The following KHDC1 variants were observed in gnomAD, a reference collection of about 807,000 sequenced individuals.
KHDC1 encodes the protein KH homology domain-containing protein 1.
Under a neutral mutation model 24.7 loss-of-function variants are expected in KHDC1, and 21 were observed. The observed-to-expected ratio is 0.85, with a 90% CI of 0.60 to 1.23. The LOEUF (loss-of-function observed/expected upper bound fraction) is 1.23. KHDC1 is among the 50% of genes most tolerant of loss of function. The pLI, the probability that KHDC1 is intolerant of heterozygous loss-of-function variation, is 0.00. For synonymous variants in KHDC1, 98 were observed against 111.7 expected, an observed-to-expected ratio of 0.88 and a Z score of 0.77; for missense variants, 274 against 298.5, an observed-to-expected ratio of 0.92 and a Z score of 0.61.
chr6:73,277,110 A>AAAT (rs1264154991), intron 2 of KHDC1, among the ~76,000 whole-genome samples: 2 of 152,290 alleles, frequency 1.3e-5, no homozygotes, highest in Non-Finnish European at 2.9e-5. Context: ...AGGCTCTATA[A>AAAT]ATTAAGTTTT....
At chr6:73,260,498 A>G (rs1343552482) in intron 2 of KHDC1, among the ~76,000 whole-genome samples, 1 of 152,370 alleles carries the variant, frequency 6.6e-6, no homozygotes, top group Non-Finnish European at 1.5e-5. Flanking sequence ...ATGCAAAAAA[A>G]GTTTCCAGTT....
chr6:73,309,194 C>T (rs1582595475), intron 1 of KHDC1, among the ~76,000 whole-genome samples: 1 of 152,358 alleles, frequency 6.6e-6, no homozygotes, highest in East Asian at 1.9e-4. Context: ...GATCAGCTCT[C>T]CTAGGGTATC....
At chr6:73,294,176 C>T (rs1019590402) in intron 1 of KHDC1, among the ~76,000 whole-genome samples, 1 of 152,112 alleles carries the variant, frequency 6.6e-6, no homozygotes. Context: ...ATTTATGGAT[C>T]TATTGTCTCT....
chr6:73,268,426 A>G (rs1291497893), intron 2 of KHDC1: 1 of 152,786 alleles, frequency 6.5e-6, no homozygotes, highest in East Asian at 1.9e-4. Context: ...CAAAGAACAA[A>G]GCTTCCACGG....
At chr6:73,271,892 C>G (rs1391567121) in intron 2 of KHDC1, among the ~76,000 whole-genome samples, 1 of 149,122 alleles carries the variant, frequency 6.7e-6, no homozygotes, top group Non-Finnish European at 1.5e-5. Context: ...GAGACTCCAT[C>G]TCAAAAAAAA....
chr6:73,253,011 A>C (rs1019553943), intron 2 of KHDC1, among the ~76,000 whole-genome samples: 1 of 152,192 alleles, frequency 6.6e-6, no homozygotes, highest in Non-Finnish European at 1.5e-5. Context: ...TAATTCCTAA[A>C]CTACAAGCTC....
At chr6:73,241,492 C>T in exon 5 of KHDC1, 2 of 1,596,570 alleles carry the variant, frequency 1.3e-6, no homozygotes, top group African/African-American at 2.7e-5. Flanking sequence ...AAGATTTCTC[C>T]TCTCATCCCC....
exon 4 of KHDC1, chr6:73,242,130 G>A: frequency 1.2e-6 from 2 of 1,614,154 alleles, no homozygotes; most frequent in Non-Finnish European, 1.7e-6. Context: ...GCCCTGTGTG[G>A]TCCGACTACA....
intron 2 of KHDC1, among the ~76,000 whole-genome samples, chr6:73,288,602 CA>C (rs545494451): frequency 1.4e-3 from 208 of 151,406 alleles, no homozygotes; most frequent in African/African-American, 5.0e-3. Flanking sequence ...GCCTGGGTGA[CA>C]GAGTAAGACT....
At chr6:73,275,366 A>G (rs183821440) in intron 2 of KHDC1, 162 of 164,168 alleles carry the variant, frequency 9.9e-4, no homozygotes, top group Non-Finnish European at 1.8e-3. Context: ...CAAAACAACA[A>G]AAAAACAAAA....
intron 2 of KHDC1, among the ~76,000 whole-genome samples, chr6:73,282,932 C>G: frequency 6.6e-6 from 1 of 152,184 alleles, no homozygotes; most frequent in Non-Finnish European, 1.5e-5. Flanking sequence ...GCCTGTTCTA[C>G]GTGAATTACT....
At chr6:73,296,466 A>T (rs1374912843) in intron 1 of KHDC1, among the ~76,000 whole-genome samples, 1 of 152,132 alleles carries the variant, frequency 6.6e-6, no homozygotes, top group African/African-American at 2.4e-5. Flanking sequence ...AAAATTAAAC[A>T]CACACATACA....
intron 1 of KHDC1, among the ~76,000 whole-genome samples, chr6:73,302,012 G>A (rs537796481): frequency 3.9e-5 from 6 of 152,246 alleles, no homozygotes; most frequent in African/African-American, 1.4e-4. Flanking sequence ...GGAATGGGCT[G>A]GGTGCAGTGG....
intron 2 of KHDC1, among the ~76,000 whole-genome samples, chr6:73,282,816 GAC>G (rs1403393061): frequency 6.6e-6 from 1 of 151,966 alleles, no homozygotes; most frequent in African/African-American, 2.4e-5. Context: ...ATCAACACTC[GAC>G]ACACTGTCCT....
intron 2 of KHDC1, among the ~76,000 whole-genome samples, chr6:73,254,474 ATAAAT>A (rs1766843358): frequency 1.1e-5 from 1 of 94,982 alleles, no homozygotes; most frequent in African/African-American, 5.6e-5. Context: ...ATAAAAATAA[ATAAAT>A]AAATAAATAA....
At chr6:73,294,053 G>A (rs1767715584) in intron 1 of KHDC1, among the ~76,000 whole-genome samples, 1 of 150,704 alleles carries the variant, frequency 6.6e-6, no homozygotes, top group African/African-American at 2.4e-5. Flanking sequence ...GGAAGCCAAG[G>A]CAGGATTGCT....
chr6:73,283,830 C>T (rs34602913), intron 2 of KHDC1, among the ~76,000 whole-genome samples: 12,039 of 151,964 alleles, frequency 0.079, 520 homozygotes, highest in East Asian at 0.13. Flanking sequence ...CCCGCCTCCG[C>T]CTCCCACAGT....
At chr6:73,241,801 C>T (rs775734336) in intron 4 of KHDC1, 73 bp from the exon 4 acceptor site, 49 of 1,522,368 alleles carry the variant, frequency 3.2e-5, no homozygotes, top group Non-Finnish European at 4.3e-5. Flanking sequence ...TGGACTCCAT[C>T]AGGGAGGCTG....
At chr6:73,254,521 C>T (rs917256395) in intron 2 of KHDC1, among the ~76,000 whole-genome samples, 3 of 150,994 alleles carry the variant, frequency 2.0e-5, no homozygotes, top group East Asian at 1.9e-4. Context: ...TAAAAGACTA[C>T]GTAGCTATAA....
Sources: allele counts gnomAD v4.1 joint callset (sites outside exome capture counted in the v4.1 genomes callset), GRCh38; gene constraint gnomAD v4.1.1; transcripts MANE v1.5; gene names NCBI Gene and HGNC (gene_info 2026-07-23, HGNC 2026-07-21).